GMDS: variants seen among roughly 807,000 people sequenced by gnomAD.
The protein encoded by GMDS is GDP-mannose 4,6 dehydratase.
In GMDS, 20 loss-of-function variants were observed where a neutral mutation model predicts 49.9. The ratio of observed to expected loss-of-function variants is 0.40; its 90% confidence interval spans 0.28 to 0.58. GMDS has a LOEUF of 0.58. Ranked by LOEUF, GMDS falls within the 20% of genes least tolerant of loss-of-function variation. The pLI is 0.42. For missense variants in GMDS, 362 were observed against 481.4 expected, an observed-to-expected ratio of 0.75 and a Z score of 2.32; for synonymous variants, 177 against 178.6, an observed-to-expected ratio of 0.99 and a Z score of 0.07.
intron 6 of GMDS, among the ~76,000 whole-genome samples, chr6:1,933,969 A>G (rs1762410131): frequency 6.6e-6 from 1 of 152,142 alleles, no homozygotes; most frequent in Admixed American, 6.6e-5. Context: ...AAGGTCATGA[A>G]GATTTATTCC....
At chr6:1,986,897 A>C (rs539848587) in intron 4 of GMDS, among the ~76,000 whole-genome samples, 19 of 152,368 alleles carry the variant, frequency 1.2e-4, no homozygotes, top group African/African-American at 2.9e-4. Context: ...GGAGGTAAGA[A>C]GGATGGTAAA....
chr6:1,642,153 C>CTTTTTTT (rs543577735), intron 9 of GMDS, among the ~76,000 whole-genome samples: 1 of 110,764 alleles, frequency 9.0e-6, no homozygotes, highest in Non-Finnish European at 1.8e-5. Context: ...CAGTTTCCAT[C>CTTTTTTT]TTTTTTTTTT....
rs1765948230 is a variant in GMDS at position 1,711,214 on chromosome 6, G to A, written c.987+15202C>T. Among the ~76,000 whole-genome samples, 4 of 152,358 alleles carry A rather than the reference G, an allele frequency of 2.6e-5. No homozygotes were observed. In the South Asian group the frequency reaches 8.3e-4, roughly 32 times the overall value. On this transcript the variant is annotated intron_variant, in intron 9 of 10. Transcript: ENST00000380815. The stretch of plus-strand genomic sequence containing the variant: ...GCATCATTCCCTGACTGCAGCCCAG[G>A]GCACAGCTGCCCCCACTTACCGAGG...
At chr6:1,779,813 T>C (rs1290619319) in intron 7 of GMDS, among the ~76,000 whole-genome samples, 2 of 152,254 alleles carry the variant, frequency 1.3e-5, no homozygotes, top group East Asian at 3.9e-4. Context: ...GCGAAGTGTC[T>C]GTGTTTCGAG....
intron 4 of GMDS, among the ~76,000 whole-genome samples, chr6:1,995,787 G>A (rs1450833535): frequency 6.6e-6 from 1 of 152,190 alleles, no homozygotes; most frequent in African/African-American, 2.4e-5. Flanking sequence ...GCTCTCCACT[G>A]ACTGGGAAGA....
chr6:2,078,129 CTTT>C (rs1562034406), intron 4 of GMDS, among the ~76,000 whole-genome samples: 1 of 151,836 alleles, frequency 6.6e-6, no homozygotes, highest in African/African-American at 2.4e-5. Flanking sequence ...GATGTAATTT[CTTT>C]TTTATTTCTG....
chr6:2,106,776 T>G (rs112839596), intron 4 of GMDS, among the ~76,000 whole-genome samples: 3,569 of 151,824 alleles, frequency 0.024, 153 homozygotes, highest in African/African-American at 0.081. Flanking sequence ...GGCAGGAGAA[T>G]TGCTTCAACT....
chr6:1,642,220 G>A (rs1236321097), intron 9 of GMDS, among the ~76,000 whole-genome samples: 1 of 145,948 alleles, frequency 6.9e-6, no homozygotes, highest in Non-Finnish European at 1.5e-5. Flanking sequence ...AGGCTGGAGT[G>A]CAGTGGTGTG....
chr6:1,916,846 C>A (rs1420866764), intron 7 of GMDS, among the ~76,000 whole-genome samples: 1 of 151,570 alleles, frequency 6.6e-6, no homozygotes, highest in East Asian at 1.9e-4. Flanking sequence ...GCAATGGAAT[C>A]TAAACCACCC....
chr6:1,695,151 C>T (rs1196348392), intron 9 of GMDS, among the ~76,000 whole-genome samples: 2 of 152,100 alleles, frequency 1.3e-5, no homozygotes, highest in African/African-American at 4.8e-5. Context: ...CAGCCCATGA[C>T]GGGGTCCAGG....
At chr6:1,668,654 C>T (rs1561713837) in intron 9 of GMDS, among the ~76,000 whole-genome samples, 1 of 152,014 alleles carries the variant, frequency 6.6e-6, no homozygotes, top group Admixed American at 6.6e-5. Context: ...TTGCAGTAAG[C>T]TGAGACCGCA....
At chr6:1,821,826 A>G (rs971136067) in intron 7 of GMDS, among the ~76,000 whole-genome samples, 1 of 152,166 alleles carries the variant, frequency 6.6e-6, no homozygotes, top group African/African-American at 2.4e-5. Context: ...CTTTCATGAC[A>G]GTGGCGGGCT....
chr6:1,813,206 A>T (rs1200865319), intron 7 of GMDS, among the ~76,000 whole-genome samples: 1 of 142,698 alleles, frequency 7.0e-6, no homozygotes, highest in Non-Finnish European at 1.5e-5. Flanking sequence ...TGTGTGACAG[A>T]GCAAGACTCT....
chr6:2,178,116 T>C (rs181165115), intron 1 of GMDS, among the ~76,000 whole-genome samples: 5 of 152,226 alleles, frequency 3.3e-5, no homozygotes, highest in African/African-American at 1.2e-4. Context: ...ATGGGAACAA[T>C]AGACACTGGG....
chr6:2,021,155 T>C (rs1768256121), intron 4 of GMDS, among the ~76,000 whole-genome samples: 1 of 152,258 alleles, frequency 6.6e-6, no homozygotes. Context: ...GGTTTCTGCC[T>C]GTAGTGATTC....
chr6:1,738,799 C>G (rs1408800624), intron 8 of GMDS, among the ~76,000 whole-genome samples: 2 of 152,254 alleles, frequency 1.3e-5, no homozygotes, highest in African/African-American at 4.8e-5. Context: ...AATCGCTCCT[C>G]TCCCTCTCCA....
At chr6:2,090,252 C>T (rs751610096) in intron 4 of GMDS, among the ~76,000 whole-genome samples, 9 of 152,158 alleles carry the variant, frequency 5.9e-5, no homozygotes, top group Non-Finnish European at 1.3e-4. Context: ...CAAATCTCTA[C>T]ACAAAAAGTG....
chr6:1,803,387 AT>A (rs58749196), intron 7 of GMDS, among the ~76,000 whole-genome samples: 136 of 149,844 alleles, frequency 9.1e-4, no homozygotes, highest in East Asian at 6.1e-3. Context: ...GAAAACCACA[AT>A]TTTTTTTTTC....
At chr6:2,161,782 A>C (rs1025596356) in intron 1 of GMDS, among the ~76,000 whole-genome samples, 1 of 152,202 alleles carries the variant, frequency 6.6e-6, no homozygotes, top group South Asian at 2.1e-4. Context: ...ACTGTCCCTG[A>C]AACACAAAAA....
Sources: gnomAD v4.1 joint callset for allele counts (sites outside exome capture counted in the v4.1 genomes callset) on GRCh38, gnomAD v4.1.1 for gene constraint, MANE v1.5 for transcripts, NCBI Gene and HGNC (gene_info 2026-07-23, HGNC 2026-07-21) for gene names.